Variants in LEPR observed in about 807,000 individuals in gnomAD.
The protein encoded by LEPR is leptin receptor, also known as OB receptor.
In LEPR, 56 loss-of-function variants were observed where a neutral mutation model predicts 114.7. That is an observed-to-expected ratio of 0.49 (90% CI 0.39 to 0.61). The LOEUF (loss-of-function observed/expected upper bound fraction) is 0.61. LEPR is among the 20% of genes least tolerant of loss of function. The pLI is 0.00. For synonymous variants in LEPR, 443 were observed against 461.4 expected, an observed-to-expected ratio of 0.96 and a Z score of 0.51; for missense variants, 1,202 against 1,352.9, an observed-to-expected ratio of 0.89 and a Z score of 1.75.
intron 2 of LEPR, among the ~76,000 whole-genome samples, chr1:65,537,625 C>T (rs1020248841): frequency 6.6e-6 from 1 of 152,084 alleles, no homozygotes; most frequent in African/African-American, 2.4e-5. Context: ...CCATTAACTA[C>T]AGACAGTTTC....
At chr1:65,426,831 T>C (rs530542222) in intron 2 of LEPR, among the ~76,000 whole-genome samples, 2 of 152,188 alleles carry the variant, frequency 1.3e-5, no homozygotes, top group South Asian at 2.1e-4. Flanking sequence ...ACCCCATCTC[T>C]ACTAAAAATA....
chr1:65,636,619 G>A lies in LEPR; in HGVS notation c.3102G>A (p.Gln1034=). ...ATAGCTCATGGGAGATAGAGGCCCA[G>A]GCATTTTTTATATTATCAGATCAGC... ...FSNSSWEIEA[Q]AFFILSDQHP... is the part of the protein sequence containing the mutation. Residue 1034 remains glutamine (Q), a synonymous_variant, in exon 20 of 20, where the codon CAG becomes CAA. Transcript: ENST00000349533. 1.9e-6 allele frequency: 3 copies of A among 1,613,610 alleles called. No individual in the cohort carries two copies. Among genetic ancestry groups the A allele is most frequent in the Non-Finnish European group, 2.5e-6 (3 of 1,179,842 alleles).
At chr1:65,565,739 T>A (rs28688643) in intron 3 of LEPR, 134 bp downstream of exon 3, 2 of 1,208,442 alleles carry the variant, frequency 1.7e-6, no homozygotes, top group Non-Finnish European at 2.4e-6. Context: ...TGCTTATGAT[T>A]AAAAATGCAA....
rs534398505 is a variant in LEPR at position 65,639,647 on chromosome 1, T to C, written c.*2632T>C. 33 of 152,334 alleles carry C rather than the reference T, an allele frequency of 2.2e-4. No homozygotes were observed. Among genetic ancestry groups the C allele is most frequent in the Admixed American group, 1.8e-3 (27 of 15,308 alleles). 9.4% of individuals were successfully genotyped at this position (152,334 alleles called of 1,614,324 possible). ...TAGGGGCTATGGTCTTTTAAACTTA[T>C]AAATCTGGAATTTTTAATATTTCAT... On this transcript the variant is annotated 3_prime_UTR_variant, in exon 20 of 20. Transcript: ENST00000349533.
chr1:65,453,902 A>G lies in LEPR; in HGVS notation c.-21+28524A>G, dbSNP rs577715755. 4.8e-3 allele frequency among the ~76,000 whole-genome samples: 728 copies of G among 150,996 alleles called. 10 individuals are homozygous for G. Among genetic ancestry groups the G allele is most frequent in the Middle Eastern group, 0.01 (3 of 292 alleles). ...TGGGGTGTTAAAGTCTCCCATTATTATTGTGTGGGAGTCTAAGTCTCTTTG... is the reference window on the plus strand; with the variant it reads ...TGGGGTGTTAAAGTCTCCCATTATTGTTGTGTGGGAGTCTAAGTCTCTTTG... On this transcript the variant is annotated intron_variant, in intron 2 of 19. Transcript: ENST00000349533.
intron 2 of LEPR, among the ~76,000 whole-genome samples, chr1:65,461,253 G>T (rs1358347734): frequency 6.6e-6 from 1 of 152,174 alleles, no homozygotes; most frequent in Non-Finnish European, 1.5e-5. Context: ...GGGATTACAG[G>T]CGTGAGCCAC....
intron 5 of LEPR, chr1:65,576,138 G>A: frequency 5.8e-6 from 1 of 172,372 alleles, no homozygotes; most frequent in Non-Finnish European, 1.3e-5. Context: ...GCTTCCAACT[G>A]CCACTGTTGT....
chr1:65,518,899 T>TTCTTTCTTTCTTTC (rs1649450812), intron 2 of LEPR, among the ~76,000 whole-genome samples: 4 of 98,986 alleles, frequency 4.0e-5, no homozygotes, highest in African/African-American at 1.5e-4. Context: ...CTTTCTTTCT[T>TTCTTTCTTTCTTTC]TCTTTCTTTC....
At chr1:65,564,903 C>T (rs548224846) in intron 2 of LEPR, among the ~76,000 whole-genome samples, 13 of 152,274 alleles carry the variant, frequency 8.5e-5, no homozygotes, top group Admixed American at 8.5e-4. Context: ...TTGTGATACT[C>T]CAACTTGAGT....
intron 2 of LEPR, among the ~76,000 whole-genome samples, chr1:65,510,485 C>T (rs1648972876): frequency 6.6e-6 from 1 of 152,164 alleles, no homozygotes. Context: ...GCACACTTCC[C>T]TCACGTGGCC....
chr1:65,459,008 G>T (rs1277348864), intron 2 of LEPR, among the ~76,000 whole-genome samples: 5 of 152,206 alleles, frequency 3.3e-5, no homozygotes, highest in Non-Finnish European at 7.3e-5. Context: ...CTGTGAGACA[G>T]ACATAATCTA....
chr1:65,586,412 T>C (rs1570756046), intron 5 of LEPR, among the ~76,000 whole-genome samples: 1 of 152,184 alleles, frequency 6.6e-6, no homozygotes, highest in East Asian at 1.9e-4. Context: ...CAAAATACTT[T>C]TGGCTTATAC....
intron 2 of LEPR, among the ~76,000 whole-genome samples, chr1:65,514,807 A>G (rs1486184814): frequency 6.6e-6 from 1 of 152,224 alleles, no homozygotes; most frequent in East Asian, 1.9e-4. Context: ...TGCCTTTTAT[A>G]CTTGAGTCCA....
intron 19 of LEPR, among the ~76,000 whole-genome samples, chr1:65,628,083 A>G (rs1489746760): frequency 6.6e-6 from 1 of 152,130 alleles, no homozygotes; most frequent in Non-Finnish European, 1.5e-5. Context: ...TTTTGAATGT[A>G]TTTCTAAAAG....
chr1:65,519,567 C>T (rs1341707466), intron 2 of LEPR, among the ~76,000 whole-genome samples: 1 of 152,068 alleles, frequency 6.6e-6, no homozygotes, highest in Non-Finnish European at 1.5e-5. Context: ...TCTGAAGAAG[C>T]AGAGTTGTTA....
chr1:65,480,961 A>G (rs539706027), intron 2 of LEPR, among the ~76,000 whole-genome samples: 19 of 152,360 alleles, frequency 1.2e-4, no homozygotes, highest in Non-Finnish European at 2.5e-4. Flanking sequence ...AGCTCTTATA[A>G]CAAAATACCA....
At chr1:65,515,078 G>T (rs1254435524) in intron 2 of LEPR, among the ~76,000 whole-genome samples, 5 of 152,166 alleles carry the variant, frequency 3.3e-5, no homozygotes, top group African/African-American at 1.2e-4. Context: ...TGACGTATTG[G>T]CCAGGATCTC....
chr1:65,511,411 T>A (rs1009921754), intron 2 of LEPR, among the ~76,000 whole-genome samples: 1 of 146,122 alleles, frequency 6.8e-6, no homozygotes, highest in African/African-American at 2.5e-5. Context: ...ATTGCTCTAG[T>A]GTTCATATAT....
intron 2 of LEPR, among the ~76,000 whole-genome samples, chr1:65,482,588 A>G (rs1165673683): frequency 6.6e-6 from 1 of 152,170 alleles, no homozygotes; most frequent in Non-Finnish European, 1.5e-5. Flanking sequence ...AAATGAGGGA[A>G]TTGGTCAACA....
Sources: gnomAD v4.1 joint callset for allele counts (sites outside exome capture counted in the v4.1 genomes callset) on GRCh38, gnomAD v4.1.1 for gene constraint, MANE v1.5 for transcripts, NCBI Gene and HGNC (gene_info 2026-07-23, HGNC 2026-07-21) for gene names.